FAM167A: variants seen among roughly 807,000 people sequenced by gnomAD.
The protein encoded by FAM167A is family with sequence similarity 167 member A, also known as protein FAM167A.
Under a neutral mutation model 14.9 loss-of-function variants are expected in FAM167A, and 23 were observed. The ratio of observed to expected loss-of-function variants is 1.55; its 90% CI spans 1.11 to 2.19. The LOEUF (loss-of-function observed/expected upper bound fraction) is 2.19, where lower values mean the gene tolerates loss of function less well. Among genes scored for constraint, FAM167A ranks in the 30% most tolerant of loss-of-function variants. The pLI is 0.00. For missense variants in FAM167A, 401 were observed against 281.5 expected, an observed-to-expected ratio of 1.42 and a Z score of -3.04; for synonymous variants, 174 against 117.7, an observed-to-expected ratio of 1.48 and a Z score of -3.10.
At chr8:11,435,086 C>T in intron 2 of FAM167A, 1 of 456,806 alleles carries the variant, frequency 2.2e-6, no homozygotes, top group Non-Finnish European at 4.4e-6. Flanking sequence ...CTCCCTGCTT[C>T]TTCAAATCTT....
chr8:11,463,116 T>C (rs1053560340), intron 1 of FAM167A, among the ~76,000 whole-genome samples: 2 of 152,226 alleles, frequency 1.3e-5, no homozygotes, highest in Admixed American at 1.3e-4. Context: ...TGTGTACGTC[T>C]GGCAGAATTT....
At chr8:11,438,270 G>T in intron 2 of FAM167A, 2 of 403,430 alleles carry the variant, frequency 5.0e-6, no homozygotes, top group South Asian at 1.8e-5. Context: ...AAGACAGCCA[G>T]GAAAGGGAGA....
chr8:11,436,135 G>A lies in FAM167A; in HGVS notation c.381+7896C>T, dbSNP rs371092253. ...TGTCACACGTCACCAAGCATGGTCC[G>A]GGGTTGGGTAGGGCTGTGTTATTGT... On this transcript the variant is annotated intron_variant, in intron 2 of 2. Transcript: ENST00000284486. Among the ~76,000 whole-genome samples, 4 of 152,208 alleles carry A rather than the reference G, an allele frequency of 2.6e-5. No individual in the cohort carries two copies. The East Asian group carries it at 5.8e-4, about 22-fold the overall frequency.
At chr8:11,436,480 C>T (rs958000584) in intron 2 of FAM167A, among the ~76,000 whole-genome samples, 29 of 152,304 alleles carry the variant, frequency 1.9e-4, no homozygotes, top group Non-Finnish European at 3.8e-4. Flanking sequence ...TCTGTGAGCT[C>T]GGCCATGCTG....
chr8:11,470,565 T>C (rs534717327), upstream of FAM167A, among the ~76,000 whole-genome samples: 1 of 152,262 alleles, frequency 6.6e-6, no homozygotes, highest in South Asian at 2.1e-4. Flanking sequence ...CAGACTCTGC[T>C]CTCTTGTCAC....
At chr8:11,453,362 T>C (rs1397522969) in intron 1 of FAM167A, among the ~76,000 whole-genome samples, 1 of 152,206 alleles carries the variant, frequency 6.6e-6, no homozygotes, top group Non-Finnish European at 1.5e-5. Context: ...AGTAACACTG[T>C]CAAGCTGCTA....
chr8:11,441,575 C>G (rs915607102), intron 2 of FAM167A, among the ~76,000 whole-genome samples: 1 of 152,168 alleles, frequency 6.6e-6, no homozygotes, highest in Middle Eastern at 3.2e-3. Context: ...CAGTGGAACC[C>G]TCTGCGTTGG....
rs541684321 is a variant in FAM167A at position 11,421,728 on chromosome 8, G to A, written c.*2645C>T. 18 of 399,024 alleles carry A rather than the reference G, an allele frequency of 4.5e-5. No individual in the cohort carries two copies. The highest frequency in any genetic ancestry group is 1.8e-4 in the Admixed American group (4 of 22,736). 24.7% of individuals were successfully genotyped at this position (399,024 alleles called of 1,614,324 possible). On this transcript the variant is annotated 3_prime_UTR_variant, in exon 3 of 3. Coordinates refer to ENST00000284486, the MANE Select transcript of FAM167A (RefSeq NM_053279.3). ...AGACATGACCACGCATGGCAGTGTC[G>A]GTGGAGAGTTTGCGTTTTACACCCA...
Position 11,422,021 on chromosome 8 carries a change from AT to A in FAM167A, c.*2351del, listed in dbSNP as rs1804763906. ...ACTTCTCATCTTGGGTCACCTCCTC[AT>A]CCCATAATAAAGTTCTCTTAGGATA... is the stretch of plus-strand genomic sequence containing the variant. On this transcript the variant is annotated 3_prime_UTR_variant, in exon 3 of 3. Coordinates refer to ENST00000284486, the MANE Select transcript of FAM167A (RefSeq NM_053279.3). The A allele has an allele frequency of 7.6e-6, 3 of 393,508 alleles. No homozygotes were observed. Among genetic ancestry groups the A allele is most frequent in the Non-Finnish European group, 1.3e-5 (3 of 223,558 alleles). 24.4% of individuals were successfully genotyped at this position (393,508 alleles called of 1,614,324 possible).
In FAM167A at chr8:11,443,257, G is replaced by GC. The variant is rs1282262784; in HGVS notation, c.381+773dup. On this transcript the variant is annotated intron_variant, in intron 2 of 2. Transcript: ENST00000284486. ...GGAAGGGGACAGGGCACCCAGCTCT[G>GC]CCCCCCCACCCTGTTCTCAGGCTGA... Among the ~76,000 whole-genome samples, 14 of 152,094 alleles carry GC rather than the reference G, an allele frequency of 9.2e-5. No homozygotes were observed. In the East Asian group the frequency reaches 1.9e-3, roughly 21 times the overall value.
At chr8:11,473,212 C>T (rs1408072480) in intron 1 of FAM167A, among the ~76,000 whole-genome samples, 4 of 152,224 alleles carry the variant, frequency 2.6e-5, no homozygotes, top group Non-Finnish European at 4.4e-5. Flanking sequence ...GGGCTCATTT[C>T]ATCTCCATCG....
chr8:11,424,301 G>A lies in FAM167A; in HGVS notation c.*72C>T. 1 of 1,588,528 alleles carries A rather than the reference G, an allele frequency of 6.3e-7. No individual in the cohort carries two copies. The highest frequency in any genetic ancestry group is 8.6e-7 in the Non-Finnish European group (1 of 1,165,194). On this transcript the variant is annotated 3_prime_UTR_variant, in exon 3 of 3. Transcript: ENST00000284486. ...CCGGGAGACCCACTGGAGTAACTTGGCCTCAGCTTCCTCTGACACCCCTCC... is the reference window on the plus strand; with the variant it reads ...CCGGGAGACCCACTGGAGTAACTTGACCTCAGCTTCCTCTGACACCCCTCC...
intron 2 of FAM167A, among the ~76,000 whole-genome samples, chr8:11,428,484 A>C (rs973533463): frequency 6.6e-6 from 1 of 152,240 alleles, no homozygotes; most frequent in Non-Finnish European, 1.5e-5. Flanking sequence ...AGAAAGCTGC[A>C]GCTTCAACAG....
In FAM167A at chr8:11,424,051, G is replaced by A. The variant is rs891248662; in HGVS notation, c.*322C>T. ...TTGGGAATCCCAGTTCATAGCACCAGTGATTCCAGGAAACAGGAACGTGAC... is the reference window on the plus strand; with the variant it reads ...TTGGGAATCCCAGTTCATAGCACCAATGATTCCAGGAAACAGGAACGTGAC... On this transcript the variant is annotated 3_prime_UTR_variant, in exon 3 of 3. Transcript: ENST00000284486. 7 of 286,966 alleles carry A rather than the reference G, an allele frequency of 2.4e-5. No individual in the cohort carries two copies. Among genetic ancestry groups the A allele is most frequent in the Non-Finnish European group, 4.6e-5 (7 of 151,088 alleles). The allele number at this position is 286,966 out of a possible 1,614,324, so 17.8% of individuals were successfully genotyped here.
chr8:11,446,490 G>C (rs1444173010), intron 1 of FAM167A: 1 of 152,204 alleles, frequency 6.6e-6, no homozygotes, highest in Non-Finnish European at 1.5e-5. Context: ...AGACAGCAGT[G>C]TTCAGCTCCC....
At chr8:11,447,375 G>C (rs981616117) in intron 1 of FAM167A, among the ~76,000 whole-genome samples, 10 of 152,114 alleles carry the variant, frequency 6.6e-5, no homozygotes, top group African/African-American at 1.7e-4. Context: ...TAGAGACAAG[G>C]TTTCACCACC....
intron 1 of FAM167A, among the ~76,000 whole-genome samples, chr8:11,456,757 G>A (rs1014923986): frequency 2.0e-5 from 3 of 150,706 alleles, no homozygotes; most frequent in Non-Finnish European, 4.4e-5. Flanking sequence ...GGTGAAGGAC[G>A]TGGGTGGTGC....
chr8:11,468,505 A>T (rs573626732), upstream of FAM167A, among the ~76,000 whole-genome samples: 127 of 152,364 alleles, frequency 8.3e-4, no homozygotes, highest in African/African-American at 2.5e-3. Flanking sequence ...CCTCTGAGGC[A>T]GTAGGCTCCG....
intron 1 of FAM167A, among the ~76,000 whole-genome samples, chr8:11,474,145 G>A (rs1386895422): frequency 3.9e-5 from 6 of 152,192 alleles, no homozygotes; most frequent in Non-Finnish European, 8.8e-5. Context: ...AAAGTGCTGG[G>A]ATTACAGGCA....
Sources: gnomAD v4.1 joint callset for allele counts (sites outside exome capture counted in the v4.1 genomes callset) on GRCh38, gnomAD v4.1.1 for gene constraint, MANE v1.5 for transcripts, NCBI Gene and HGNC (gene_info 2026-07-23, HGNC 2026-07-21) for gene names.